NEMF: variants seen among roughly 807,000 people sequenced by gnomAD.
The protein encoded by NEMF is nuclear export mediator factor.
In NEMF, 89 loss-of-function variants were observed where a neutral mutation model predicts 162.2. That is an observed-to-expected ratio of 0.55 (90% CI 0.46 to 0.65). NEMF has a LOEUF of 0.65. Among genes scored for constraint, NEMF ranks in the 30% least tolerant of loss-of-function variants. The pLI is 0.00. For missense variants in NEMF, 1,133 were observed against 1,261.9 expected, an observed-to-expected ratio of 0.90 and a Z score of 1.55; for synonymous variants, 421 against 404.5, an observed-to-expected ratio of 1.04 and a Z score of -0.49.
At position 49,835,933 on chromosome 14, in the gene NEMF, G is replaced by GA. The variant is rs545705905; in HGVS notation, c.575-1485dup. ...AGAATGTTTAGGAATAAATCTAACT[G>GA]AGAGAAATTAAAGATCTAAATAAAT... On this transcript the variant is annotated intron_variant, in intron 6 of 32. Transcript: ENST00000298310. Among the ~76,000 whole-genome samples the GA allele has an allele frequency of 5.0e-3, 767 of 152,320 alleles. 6 individuals are homozygous for GA. Among genetic ancestry groups the GA allele is most frequent in the South Asian group, 0.029 (142 of 4,820 alleles).
rs1893168456 is a variant in NEMF, at chr14:49,840,883, T to C, written c.358-17A>G. 4.4e-6 allele frequency: 7 copies of C among 1,605,926 alleles called. No individual in the cohort carries two copies. Among genetic ancestry groups the C allele is most frequent in the African/African-American group, 1.3e-5 (1 of 74,488 alleles). ...AATGTTCCCCTGCAATAAAATAAAA[T>C]ACAATTTAGCGCTCTTTCAAATAAT... On this transcript the variant is annotated splice_polypyrimidine_tract_variant and intron_variant, in intron 4 of 32. Coordinates refer to ENST00000298310, the MANE Select transcript of NEMF (RefSeq NM_004713.6).
intron 28 of NEMF, 112 bp downstream of exon 28, chr14:49,789,034 G>T (rs1890318440): frequency 2.5e-6 from 2 of 790,482 alleles, no homozygotes; most frequent in African/African-American, 3.5e-5. Flanking sequence ...ATTCCATTAA[G>T]AATAGGGTTA....
chr14:49,833,922 C>G (rs1892767123), intron 7 of NEMF, among the ~76,000 whole-genome samples: 4 of 152,144 alleles, frequency 2.6e-5, no homozygotes, highest in Admixed American at 2.6e-4. Context: ...TTTTCACATG[C>G]TTTTGCTCCA....
At position 49,785,009 on chromosome 14, in the gene NEMF, A is replaced by G. The variant is rs1262763495; in HGVS notation, c.3074-5T>C. ...TATTCAAGGCTGTTTTTGCAGCTGTAAATACAAAAAAGAGTAAGAATAATC... is the reference window on the plus strand; with the variant it reads ...TATTCAAGGCTGTTTTTGCAGCTGTGAATACAAAAAAGAGTAAGAATAATC... On this transcript the variant is annotated splice_region_variant and splice_polypyrimidine_tract_variant and intron_variant, in intron 31 of 32. Coordinates refer to ENST00000298310, the MANE Select transcript of NEMF (RefSeq NM_004713.6). 3.0e-5 allele frequency: 49 copies of G among 1,612,874 alleles called. No individual in the cohort carries two copies. The highest frequency in any genetic ancestry group is 4.0e-5 in the Non-Finnish European group (47 of 1,179,098).
chr14:49,850,337 C>T (rs1020536101), intron 3 of NEMF, among the ~76,000 whole-genome samples: 3 of 152,196 alleles, frequency 2.0e-5, no homozygotes, highest in Non-Finnish European at 4.4e-5. Flanking sequence ...ATCCACCTGC[C>T]TCAGCCTCCC....
chr14:49,800,871 G>C (rs965083046), intron 22 of NEMF, 175 bp from the exon 23 acceptor site: 8 of 590,316 alleles, frequency 1.4e-5, no homozygotes, highest in Admixed American at 3.2e-5. Context: ...CCTGTATCAT[G>C]AATAGGTTGA....
At position 49,782,165 on chromosome 14, in the gene NEMF, CAGAG is replaced by C. The variant is rs1889933777; in HGVS notation, c.*2467_*2470del. The C allele has an allele frequency of 1.9e-6, 1 of 523,082 alleles. No homozygotes were observed. Among genetic ancestry groups the C allele is most frequent in the Non-Finnish European group, 3.4e-6 (1 of 296,110 alleles). 32.4% of individuals were successfully genotyped at this position (523,082 alleles called of 1,614,324 possible). On this transcript the variant is annotated 3_prime_UTR_variant, in exon 33 of 33. Coordinates refer to ENST00000298310, the MANE Select transcript of NEMF (RefSeq NM_004713.6). ...TCCTCATTGCATAAATGAGAACGACCAGAGAGAGAAAATAATATCCAGATAAAAT... is the reference window on the plus strand; with the variant it reads ...TCCTCATTGCATAAATGAGAACGACCAGAGAAAATAATATCCAGATAAAAT...
intron 25 of NEMF, chr14:49,796,314 T>G (rs771594100): frequency 2.2e-6 from 1 of 461,434 alleles, no homozygotes; most frequent in South Asian, 1.5e-5. Flanking sequence ...AAACATCTGT[T>G]GACCGGTTGG....
rs1381554261 is a variant in NEMF at position 49,833,403 on chromosome 14, G to C, written c.735+20C>G. 5 of 1,448,966 alleles carry C rather than the reference G, an allele frequency of 3.5e-6. No individual in the cohort carries two copies. Among genetic ancestry groups the C allele is most frequent in the Non-Finnish European group, 2.8e-6 (3 of 1,055,238 alleles). The allele number at this position is 1,448,966 out of a possible 1,614,324, so 89.8% of individuals were successfully genotyped here. A position where few individuals can be genotyped will look rare whatever the true frequency, so the allele number is the denominator to read the frequency against. On this transcript the variant is annotated intron_variant, in intron 8 of 32. Transcript: ENST00000298310. The stretch of plus-strand genomic sequence containing the variant: ...CCCAAATAAATCACAACAATATATA[G>C]TAAGTATACATGGTGCTACCTTCCC...
At position 49,793,178 on chromosome 14, in the gene NEMF, A is replaced by G. The variant is rs570998425; in HGVS notation, c.2619+2613T>C. Among the ~76,000 whole-genome samples, 23 of 152,336 alleles carry G rather than the reference A, an allele frequency of 1.5e-4. No homozygotes were observed. In the South Asian group the frequency reaches 3.7e-3, roughly 25 times the overall value. ...ACGATTACTACTTCTATGAAACATT[A>G]TATTTTTGCTTTTCAGTCACTGCAA... is the stretch of plus-strand genomic sequence containing the variant. On this transcript the variant is annotated intron_variant, in intron 26 of 32. Transcript: ENST00000298310.
intron 22 of NEMF, 101 bp downstream of exon 22, chr14:49,802,352 A>G (rs1269089506): frequency 5.2e-6 from 7 of 1,357,092 alleles, no homozygotes; most frequent in Non-Finnish European, 6.0e-6. Context: ...GTTTTTTTGA[A>G]ATTTAGATTA....
At chr14:49,818,006 T>C (rs770619223) in intron 16 of NEMF, among the ~76,000 whole-genome samples, 21 of 151,210 alleles carry the variant, frequency 1.4e-4, no homozygotes, top group Non-Finnish European at 1.9e-4. Flanking sequence ...AACAGAGATG[T>C]CAAACAAAAC....
intron 22 of NEMF, chr14:49,801,584 T>C (rs1444657920): frequency 6.6e-6 from 1 of 151,872 alleles, no homozygotes; most frequent in African/African-American, 2.4e-5. Flanking sequence ...AGCACAACAG[T>C]AATAGTAAAT....
At position 49,836,663 on chromosome 14, in the gene NEMF, GAAATGCC is replaced by G. The variant is rs371158786; in HGVS notation, c.574+1469_574+1475del. ...CCTTGGGAAATGCAGAAGATCTTTTGAAATGCCAAATGCCAAAACTCTTTTGAAAAAA... is the reference window on the plus strand; with the variant it reads ...CCTTGGGAAATGCAGAAGATCTTTTGAAATGCCAAAACTCTTTTGAAAAAA... On this transcript the variant is annotated intron_variant, in intron 6 of 32. Coordinates refer to ENST00000298310, the MANE Select transcript of NEMF (RefSeq NM_004713.6). Among the ~76,000 whole-genome samples, 886 of 151,764 alleles carry G rather than the reference GAAATGCC, an allele frequency of 5.8e-3. 5 individuals are homozygous for G. The highest frequency in any genetic ancestry group is 8.5e-3 in the Non-Finnish European group (577 of 67,918).
In NEMF at chr14:49,800,425, G is replaced by C. The variant is rs748730481; in HGVS notation, c.2367C>G (p.Pro789=). The part of the protein sequence containing the change: ...DTTIDLSHLQ[P]QRSIQKLASK... ...AAATTTTATTTTTTAATTACCTTTG[G>C]GGTTGAAGGTGAGACAAGTCAATGG... The change falls in exon 23 of 33, where the codon CCC becomes CCG. Residue 789 remains proline (P), a synonymous_variant. Coordinates refer to ENST00000298310, the MANE Select transcript of NEMF (RefSeq NM_004713.6). 6.2e-7 allele frequency: 1 copy of C among 1,607,944 alleles called. No homozygotes were observed. The highest frequency in any genetic ancestry group is 2.2e-5 in the East Asian group (1 of 44,778).
intron 13 of NEMF, 44 bp from the exon 14 acceptor site, chr14:49,828,851 C>T: frequency 6.9e-7 from 1 of 1,439,168 alleles, no homozygotes; most frequent in Non-Finnish European, 9.3e-7. Flanking sequence ...TCAATGACAT[C>T]ACTTTTATTT....
At chr14:49,796,271 A>G (rs1890687406) in intron 25 of NEMF, 1 of 478,494 alleles carries the variant, frequency 2.1e-6, no homozygotes, top group Non-Finnish European at 4.1e-6. Flanking sequence ...TCTTTGTACC[A>G]ACATAGCATT....
At chr14:49,818,904 C>CA (rs979992198) in intron 16 of NEMF, among the ~76,000 whole-genome samples, 29 of 152,100 alleles carry the variant, frequency 1.9e-4, no homozygotes, top group African/African-American at 7.0e-4. Flanking sequence ...ACAAAATGGC[C>CA]AACACAGATC....
intron 6 of NEMF, among the ~76,000 whole-genome samples, chr14:49,837,815 TAAAAAAAAAAA>T (rs10709373): frequency 8.1e-6 from 1 of 122,780 alleles, no homozygotes; most frequent in Non-Finnish European, 1.7e-5. Context: ...ACCCACCAAT[TAAAAAAAAAAA>T]AAAAAAACCA....
Sources: gnomAD v4.1 joint callset for allele counts (sites outside exome capture counted in the v4.1 genomes callset) on GRCh38, gnomAD v4.1.1 for gene constraint, MANE v1.5 for transcripts, NCBI Gene and HGNC (gene_info 2026-07-23, HGNC 2026-07-21) for gene names.